The following RABGAP1L variants were observed in gnomAD, a reference collection of about 807,000 sequenced individuals.
RABGAP1L encodes RAB GTPase activating protein 1 like.
A neutral mutation model predicts 137.7 loss-of-function variants in RABGAP1L; 63 were observed. That is an observed-to-expected ratio of 0.46 (90% CI 0.37 to 0.56). The LOEUF (loss-of-function observed/expected upper bound fraction) is 0.56. Among genes scored for constraint, RABGAP1L ranks in the 20% least tolerant of loss-of-function variants. The pLI, the probability that RABGAP1L is intolerant of heterozygous loss-of-function variation, is 0.00. For missense variants in RABGAP1L, 1,095 were observed against 1,244.0 expected (o/e 0.88, Z 1.80); for synonymous variants, 431 against 433.7 (o/e 0.99, Z 0.08).
intron 10 of RABGAP1L, among the ~76,000 whole-genome samples, chr1:174,292,389 A>G (rs1033474284): frequency 8.8e-6 from 1 of 114,020 alleles, no homozygotes; most frequent in African/African-American, 3.3e-5. Flanking sequence ...TTGTATTTCT[A>G]AGGTTTAAAC....
intron 7 of RABGAP1L, among the ~76,000 whole-genome samples, chr1:174,265,147 T>C (rs1673950696): frequency 1.3e-5 from 2 of 152,308 alleles, no homozygotes; most frequent in Non-Finnish European, 2.9e-5. Flanking sequence ...GTTTTTGAAT[T>C]GTGTTTACAA....
At chr1:174,849,617 A>G in intron 19 of RABGAP1L, 3 of 363,914 alleles carry the variant, frequency 8.2e-6, no homozygotes, top group South Asian at 6.5e-5. Context: ...TATGTGAAAA[A>G]TGAGAAAATA....
At position 174,818,147 on chromosome 1, in the gene RABGAP1L, A is replaced by T. The variant is rs75747811; in HGVS notation, c.2340+6187A>T. On this transcript the variant is annotated intron_variant, in intron 19 of 25. Transcript: ENST00000681986. ...TTTGGGAGTCATCAGCATTGAAACC[A>T]TGGGAGTGGGTGAATTCTTATAGCG... Among the ~76,000 whole-genome samples, 1,013 of 152,306 alleles carry T rather than the reference A, an allele frequency of 6.7e-3. 8 individuals carry two copies. The highest frequency in any genetic ancestry group is 0.022 in the African/African-American group (935 of 41,562).
At chr1:174,511,915 G>C (rs546103894) in intron 13 of RABGAP1L, among the ~76,000 whole-genome samples, 1 of 151,996 alleles carries the variant, frequency 6.6e-6, no homozygotes, top group South Asian at 2.1e-4. Context: ...CACTGTGCCC[G>C]GCTGTGTCCT....
intron 14 of RABGAP1L, among the ~76,000 whole-genome samples, chr1:174,657,472 C>T (rs948019638): frequency 2.0e-5 from 3 of 152,148 alleles, no homozygotes; most frequent in East Asian, 1.9e-4. Context: ...TTTTTAGCTT[C>T]TGCATATGAA....
chr1:174,364,784 T>C (rs568685647), intron 11 of RABGAP1L, among the ~76,000 whole-genome samples: 2 of 152,260 alleles, frequency 1.3e-5, no homozygotes, highest in East Asian at 3.9e-4. Context: ...AGGTCAATGG[T>C]GTACTCCATG....
chr1:174,456,720 C>G (rs16847025), intron 13 of RABGAP1L, among the ~76,000 whole-genome samples: 12,503 of 152,008 alleles, frequency 0.082, 695 homozygotes, highest in East Asian at 0.32. Context: ...TGTAAGTGTC[C>G]TTAGAGGAAA....
chr1:174,368,994 A>G, intron 11 of RABGAP1L, among the ~76,000 whole-genome samples: 1 of 152,128 alleles, frequency 6.6e-6, no homozygotes, highest in East Asian at 1.9e-4. Context: ...TTTGGCATGT[A>G]CAACATAATC....
Position 174,448,155 on chromosome 1 carries a change from G to A in RABGAP1L, c.1710+54010G>A, listed in dbSNP as rs781244294. The A allele has an allele frequency of 1.2e-6, 2 of 1,613,258 alleles. No homozygotes were observed. The highest frequency in any genetic ancestry group is 1.1e-5 in the South Asian group (1 of 91,030). ...ACTGAATGGAGGATCCTGAACATGAGCAGTGGCATTGTGAATGTGTCCGAG... is the reference window on the plus strand; with the variant it reads ...ACTGAATGGAGGATCCTGAACATGAACAGTGGCATTGTGAATGTGTCCGAG... On this transcript the variant is annotated intron_variant, in intron 13 of 25. Transcript: ENST00000681986. This position sits in a 1 kb window ranked among gnomAD's most constrained non-coding sequence, Gnocchi z 4.2.
At chr1:174,688,459 G>T (rs1376685084) in intron 15 of RABGAP1L, among the ~76,000 whole-genome samples, 2 of 151,638 alleles carry the variant, frequency 1.3e-5, no homozygotes, top group African/African-American at 2.4e-5. Context: ...TAAAACTATT[G>T]AATTTTTTTA....
chr1:174,896,389 T>A (rs1657176116), intron 19 of RABGAP1L, among the ~76,000 whole-genome samples: 1 of 152,236 alleles, frequency 6.6e-6, no homozygotes, highest in Non-Finnish European at 1.5e-5. Context: ...TTCTGTGGGT[T>A]GCCTATTCAC....
rs192492456 is a variant in RABGAP1L at position 174,483,190 on chromosome 1, A to G, written c.1710+89045A>G. Among the ~76,000 whole-genome samples the G allele has an allele frequency of 2.0e-3, 308 of 152,210 alleles. 1 individual carries two copies. The highest frequency in any genetic ancestry group is 6.9e-3 in the African/African-American group (285 of 41,516). On this transcript the variant is annotated intron_variant, in intron 13 of 25. Coordinates refer to ENST00000681986, the MANE Select transcript of RABGAP1L (RefSeq NM_001366446.1). Reference sequence around the variant, plus strand: ...ATGTAGAATTTATTTTTGTTTTACTATAGTTACCCTGTTATGCTAGCAAAT... The same window carrying G: ...ATGTAGAATTTATTTTTGTTTTACTGTAGTTACCCTGTTATGCTAGCAAAT...
rs1652926018 is a variant in RABGAP1L, at chr1:174,875,445, T to A, written c.2340+63485T>A. 3 of 830,828 alleles carry A rather than the reference T, an allele frequency of 3.6e-6. No individual in the cohort carries two copies. In the Admixed American group the frequency reaches 1.9e-4, roughly 52 times the overall value. 51.5% of individuals were successfully genotyped at this position (830,828 alleles called of 1,614,324 possible). On this transcript the variant is annotated intron_variant, in intron 19 of 25. Coordinates refer to ENST00000681986, the MANE Select transcript of RABGAP1L (RefSeq NM_001366446.1). ...TGCGGTTATAACTCTTGTTTGCCCC[T>A]GGGTGGTTGCCAGCAGGGAGTAAGG...
chr1:174,678,458 C>T (rs571121633), intron 14 of RABGAP1L, among the ~76,000 whole-genome samples: 1 of 151,378 alleles, frequency 6.6e-6, no homozygotes, highest in Admixed American at 6.6e-5. Context: ...AAAAAACCCC[C>T]ACAAAACAAA....
chr1:174,300,239 G>A (rs745732205), intron 10 of RABGAP1L, among the ~76,000 whole-genome samples: 2 of 152,108 alleles, frequency 1.3e-5, no homozygotes, highest in African/African-American at 4.8e-5. Context: ...GAAAAGCCAG[G>A]TGCTGGCTGG....
intron 1 of RABGAP1L, among the ~76,000 whole-genome samples, chr1:174,164,978 A>G (rs748753658): frequency 1.3e-5 from 2 of 152,180 alleles, no homozygotes; most frequent in Non-Finnish European, 2.9e-5. Flanking sequence ...CTTAGTGTGT[A>G]TAAGGGATTG....
chr1:174,649,819 C>A (rs559357602), intron 14 of RABGAP1L, among the ~76,000 whole-genome samples: 5 of 152,258 alleles, frequency 3.3e-5, no homozygotes, highest in African/African-American at 1.2e-4. Context: ...ACTGAATACC[C>A]TTTATTTCCT....
chr1:174,711,796 G>A (rs968490155), intron 17 of RABGAP1L, among the ~76,000 whole-genome samples: 1 of 152,248 alleles, frequency 6.6e-6, no homozygotes, highest in African/African-American at 2.4e-5. Flanking sequence ...TGGGCACATG[G>A]CATGGGACTG....
At chr1:174,550,137 G>A (rs1265363957) in intron 13 of RABGAP1L, among the ~76,000 whole-genome samples, 1 of 152,026 alleles carries the variant, frequency 6.6e-6, no homozygotes, top group Non-Finnish European at 1.5e-5. Context: ...CACTTAAAAT[G>A]GTAACACTAG....
Sources: gnomAD v4.1 joint callset for allele counts (sites outside exome capture counted in the v4.1 genomes callset) on GRCh38, gnomAD v4.1.1 for gene constraint, Gnocchi (gnomAD v3.1) non-coding constraint, MANE v1.5 for transcripts, NCBI Gene and HGNC (gene_info 2026-07-23, HGNC 2026-07-21) for gene names.